Variants in NPAS2 observed in about 807,000 individuals in gnomAD.
NPAS2 encodes the protein neuronal PAS domain-containing protein 2.
NPAS2 carries 23 observed loss-of-function variants against 107.5 expected under a neutral mutation model. The observed-to-expected ratio is 0.21, with a 90% CI of 0.15 to 0.30. NPAS2 has a LOEUF of 0.30. Ranked by LOEUF, NPAS2 falls within the 10% of genes least tolerant of loss-of-function variation. The pLI is 1.00. For missense variants in NPAS2, 756 were observed against 1,043.3 expected (o/e 0.72, Z 3.79); for synonymous variants, 403 against 417.5 (o/e 0.97, Z 0.42).
chr2:100,854,871 G>A (rs935665730), intron 1 of NPAS2, among the ~76,000 whole-genome samples: 2 of 152,192 alleles, frequency 1.3e-5, no homozygotes, highest in Non-Finnish European at 2.9e-5. Context: ...TGGCTATTGA[G>A]ACGCTGAAAT....
chr2:100,995,225 C>T, intron 20 of NPAS2, 175 bp from the exon 21 acceptor site: 1 of 545,416 alleles, frequency 1.8e-6, no homozygotes, highest in Non-Finnish European at 3.2e-6. Context: ...TCCCTTAGTC[C>T]CCATCCCCAC....
chr2:100,975,467 C>A lies in NPAS2; in HGVS notation c.1292C>A (p.Thr431Asn). 1 of 1,612,580 alleles carries A rather than the reference C, an allele frequency of 6.2e-7. No homozygotes were observed. Among genetic ancestry groups the A allele is most frequent in the Non-Finnish European group, 8.5e-7 (1 of 1,179,202 alleles). The change falls in exon 14 of 21, where the codon ACC becomes AAC. Residue 431 changes from threonine to asparagine, a missense_variant. Thr to Asn is a moderately conservative substitution (Grantham distance 65, BLOSUM62 0). Around this residue, in one of 4 missense-constraint regions of NPAS2, gnomAD observed 496 missense variants for 594.4 expected, o/e 0.83. Coordinates refer to ENST00000335681, the MANE Select transcript of NPAS2 (RefSeq NM_002518.4). ...CGTTGCTTTCTTACAGCCACTCCCA[C>A]CAAGCTGATGGCAGAGGCCAGCACC... ...TAMSEPTSTP[T>N]KLMAEASTPA...
intron 1 of NPAS2, chr2:100,901,493 C>G (rs1681774952): frequency 5.1e-6 from 5 of 984,794 alleles, no homozygotes; most frequent in Non-Finnish European, 6.0e-6. Context: ...CTGGAAGAGC[C>G]CCAGAGAGAT....
At position 100,937,960 on chromosome 2, in the gene NPAS2, G is replaced by A. The variant is rs556117168; in HGVS notation, c.363+118G>A. 750 of 834,606 alleles carry A rather than the reference G, an allele frequency of 9.0e-4. 1 individual carries two copies. Among genetic ancestry groups the A allele is most frequent in the Non-Finnish European group, 6.7e-4 (326 of 487,640 alleles). The allele number at this position is 834,606 out of a possible 1,614,324, so 51.7% of individuals were successfully genotyped here. On this transcript the variant is annotated intron_variant, in intron 5 of 20. Transcript: ENST00000335681. ...AGGGGGCTGCAGGTGAGAAGAGGGC[G>A]GAGAGTAAAGGACTGCTGAGTTTTG...
intron 7 of NPAS2, among the ~76,000 whole-genome samples, chr2:100,960,526 T>G (rs1675856400): frequency 1.3e-5 from 2 of 151,938 alleles, no homozygotes; most frequent in African/African-American, 4.8e-5. Context: ...CTGCTCTGTT[T>G]TCCATCACAG....
rs1210406347 is a variant in NPAS2 at position 100,945,664 on chromosome 2, C to T, written c.364-2571C>T. On this transcript the variant is annotated intron_variant, in intron 5 of 20. Coordinates refer to ENST00000335681, the MANE Select transcript of NPAS2 (RefSeq NM_002518.4). ...CTCCTCTGTCATGGCTTCTCGCCCT[C>T]CCTGTTGTTCCCACCTTCCTGCAGT... Among the ~76,000 whole-genome samples, 5 of 152,270 alleles carry T rather than the reference C, an allele frequency of 3.3e-5. No homozygotes were observed. In the South Asian group the frequency reaches 8.3e-4, roughly 25 times the overall value.
intron 1 of NPAS2, among the ~76,000 whole-genome samples, chr2:100,899,326 C>T (rs1327449407): frequency 1.3e-5 from 2 of 151,176 alleles, no homozygotes; most frequent in South Asian, 4.2e-4. Flanking sequence ...CAGGCTCAAG[C>T]GATTCTCCTG....
chr2:100,931,445 C>G (rs1304802174), intron 3 of NPAS2, among the ~76,000 whole-genome samples: 3 of 149,626 alleles, frequency 2.0e-5, no homozygotes, highest in Non-Finnish European at 4.4e-5. Flanking sequence ...GGTTTTGGAA[C>G]AAGTGGAGGT....
Position 100,965,788 on chromosome 2 carries a change from AGGCATGGGG to A in NPAS2, c.907+24_907+32del, listed in dbSNP as rs758360784. On this transcript the variant is annotated intron_variant, in intron 10 of 20. Coordinates refer to ENST00000335681, the MANE Select transcript of NPAS2 (RefSeq NM_002518.4). The surrounding 1 kb of genome is among the most constrained non-coding windows in gnomAD (Gnocchi z 4.3). ...CACCGTGAGTACCACTGCCCAGCCC[AGGCATGGGG>A]GCCTTGCGTTCACTCCACTGGGGCC... is the stretch of plus-strand genomic sequence containing the variant. 1.0e-5 allele frequency: 12 copies of A among 1,161,112 alleles called. No homozygotes were observed. In the African/African-American group the frequency reaches 2.9e-4, roughly 28 times the overall value. 71.9% of individuals were successfully genotyped at this position (1,161,112 alleles called of 1,614,324 possible).
chr2:100,821,068 A>C, intron 1 of NPAS2: 1 of 1,303,548 alleles, frequency 7.7e-7, no homozygotes, highest in East Asian at 5.6e-5. Context: ...CCCCTTTCCC[A>C]GCCGAGGAGG....
intron 2 of NPAS2, among the ~76,000 whole-genome samples, chr2:100,913,301 A>G (rs1407899641): frequency 6.6e-6 from 1 of 152,206 alleles, no homozygotes; most frequent in Non-Finnish European, 1.5e-5. Flanking sequence ...AGTTCCGAAC[A>G]TAGCTTTCCA....
At chr2:100,864,382 T>C (rs1384401894) in intron 1 of NPAS2, among the ~76,000 whole-genome samples, 1 of 152,226 alleles carries the variant, frequency 6.6e-6, no homozygotes, top group Non-Finnish European at 1.5e-5. Context: ...CTTCCAAAAC[T>C]GTGTGATATA....
At chr2:100,995,120 A>ATTCCC in intron 20 of NPAS2, 1 of 421,608 alleles carries the variant, frequency 2.4e-6, no homozygotes, top group East Asian at 3.5e-5. Context: ...TTACGAAACC[A>ATTCCC]TTCCCCATAG....
At chr2:100,864,296 C>T (rs1393648763) in intron 1 of NPAS2, among the ~76,000 whole-genome samples, 1 of 152,094 alleles carries the variant, frequency 6.6e-6, no homozygotes, top group African/African-American at 2.4e-5. Flanking sequence ...TACCAAATTA[C>T]CTTAAGTTCT....
At chr2:100,890,445 C>G (rs139049954) in intron 1 of NPAS2, among the ~76,000 whole-genome samples, 9 of 152,230 alleles carry the variant, frequency 5.9e-5, no homozygotes, top group Non-Finnish European at 1.0e-4. Context: ...TCCCAGGGAC[C>G]CTAGCCTACG....
intron 1 of NPAS2, among the ~76,000 whole-genome samples, chr2:100,902,696 A>G (rs1397163427): frequency 1.3e-5 from 2 of 152,264 alleles, no homozygotes; most frequent in Admixed American, 1.3e-4. Context: ...GCAGTGGTTA[A>G]GATGGTAAAT....
chr2:100,922,395 A>C (rs1331454315), intron 2 of NPAS2, among the ~76,000 whole-genome samples: 4 of 152,124 alleles, frequency 2.6e-5, no homozygotes, highest in Non-Finnish European at 5.9e-5. Context: ...CAGCCTGGTC[A>C]ACATGGTGAA....
chr2:100,842,089 A>G (rs62156097), intron 1 of NPAS2, among the ~76,000 whole-genome samples: 14,303 of 134,092 alleles, frequency 0.11, 870 homozygotes, highest in East Asian at 0.2. Context: ...GCGCACACAC[A>G]CACACACACA....
At chr2:100,884,637 G>A (rs1368129656) in intron 1 of NPAS2, among the ~76,000 whole-genome samples, 1 of 152,188 alleles carries the variant, frequency 6.6e-6, no homozygotes, top group Non-Finnish European at 1.5e-5. Flanking sequence ...ACCTCAAAAT[G>A]TTTGCAAGCT....
Sources: allele counts gnomAD v4.1 joint callset (sites outside exome capture counted in the v4.1 genomes callset), GRCh38; gene constraint gnomAD v4.1.1; regional missense constraint gnomAD v4.1.1; non-coding constraint Gnocchi (gnomAD v3.1); transcripts MANE v1.5; gene names NCBI Gene and HGNC (gene_info 2026-07-23, HGNC 2026-07-21).